PLEKHM2: variants seen among roughly 807,000 people sequenced by gnomAD.
PLEKHM2 encodes the protein pleckstrin homology and RUN domain containing M2.
A neutral mutation model predicts 116.3 loss-of-function variants in PLEKHM2; 77 were observed. The ratio of observed to expected loss-of-function variants is 0.66; its 90% CI spans 0.55 to 0.80. The LOEUF (loss-of-function observed/expected upper bound fraction) is 0.80. PLEKHM2 is among the 30% of genes least tolerant of loss of function. PLEKHM2 has a pLI of 0.00. For synonymous variants in PLEKHM2, 562 were observed against 571.0 expected, an observed-to-expected ratio of 0.98 and a Z score of 0.22; for missense variants, 1,183 against 1,354.9, an observed-to-expected ratio of 0.87 and a Z score of 1.99.
At chr1:15,695,115 T>C (rs532091397) in intron 1 of PLEKHM2, among the ~76,000 whole-genome samples, 54 of 152,306 alleles carry the variant, frequency 3.5e-4, no homozygotes, top group Non-Finnish European at 6.9e-4. Context: ...TCTACAAACA[T>C]TGCACAAATA....
chr1:15,694,685 C>T (rs1284201837), intron 1 of PLEKHM2, among the ~76,000 whole-genome samples: 1 of 152,082 alleles, frequency 6.6e-6, no homozygotes, highest in East Asian at 1.9e-4. Context: ...GAGAGCTTCT[C>T]CTAACCTCTT....
intron 19 of PLEKHM2, among the ~76,000 whole-genome samples, chr1:15,733,514 C>G (rs1313602055): frequency 2.0e-5 from 3 of 152,258 alleles, no homozygotes; most frequent in Non-Finnish European, 4.4e-5. Flanking sequence ...ACAGACACCT[C>G]CCTGCAGAGC....
chr1:15,732,823 C>A, intron 19 of PLEKHM2, 95 bp downstream of exon 19: 2 of 849,346 alleles, frequency 2.4e-6, no homozygotes, highest in Non-Finnish European at 3.7e-6. Context: ...CAGGACTTGG[C>A]CCTGCCTCCA....
intron 1 of PLEKHM2, among the ~76,000 whole-genome samples, chr1:15,685,240 G>A: frequency 6.6e-6 from 1 of 152,220 alleles, no homozygotes; most frequent in East Asian, 1.9e-4. Context: ...ACACCTTGCT[G>A]TGGGGCTTGC....
rs1571076674 is a variant in PLEKHM2, at chr1:15,732,590, C to T, written c.2806-22C>T. 2.5e-6 allele frequency: 4 copies of T among 1,597,760 alleles called. No individual in the cohort carries two copies. The Admixed American group carries it at 7.0e-5, about 28-fold the overall frequency. ...CAGAAGGAAAGCTCTGGCTGCTCAC[C>T]CGGGGGCCTGGCTCTCCCTAGGAGT... On this transcript the variant is annotated intron_variant, in intron 18 of 19. Coordinates refer to ENST00000375799, the MANE Select transcript of PLEKHM2 (RefSeq NM_015164.4).
Position 15,732,724 on chromosome 1 carries a change from A to G in PLEKHM2, c.2918A>G (p.Tyr973Cys). The G allele has an allele frequency of 1.3e-6, 2 of 1,598,746 alleles. No homozygotes were observed. Among genetic ancestry groups the G allele is most frequent in the Non-Finnish European group, 8.5e-7 (1 of 1,170,500 alleles). Residue 973 changes from tyrosine (Y) to cysteine (C), a missense_variant, in exon 19 of 20, where the codon TAT (tyrosine) becomes TGT (cysteine). Tyr to Cys is a radical substitution (Grantham distance 194). This residue lies in a region of PLEKHM2 where 594 missense variants were observed against 720.1 expected (regional missense o/e 0.82). Transcript: ENST00000375799. ...SALNSGWKTI[Y>C]QVDLPHTAIQ... ...CTGAACTCTGGGTGGAAAACCATCT[A>G]TCAGGTACCCAGCTGCCCAGGAAAC...
chr1:15,710,397 G>A (rs904519156), intron 1 of PLEKHM2, among the ~76,000 whole-genome samples: 4 of 151,190 alleles, frequency 2.6e-5, no homozygotes, highest in Non-Finnish European at 5.9e-5. Context: ...GCATGATCTC[G>A]GCTCACTGCA....
At chr1:15,717,470 C>T (rs1038077371) in intron 3 of PLEKHM2, among the ~76,000 whole-genome samples, 7 of 152,200 alleles carry the variant, frequency 4.6e-5, no homozygotes, top group Non-Finnish European at 8.8e-5. Flanking sequence ...CTCCATGAGG[C>T]CTCTTTTCTC....
In PLEKHM2 at chr1:15,714,087, G is replaced by A. The variant is rs142065151; in HGVS notation, c.61-2150G>A. On this transcript the variant is annotated intron_variant, in intron 1 of 19. Transcript: ENST00000375799. ...CTCCTGAGTAGCTGGGATTACAGGT[G>A]CCTGTCACCGCACCCAGCTAGTTGT... Among the ~76,000 whole-genome samples, 1,166 of 151,840 alleles carry A rather than the reference G, an allele frequency of 7.7e-3. 80 individuals are homozygous for A. In the East Asian group the frequency reaches 0.16, roughly 20 times the overall value.
chr1:15,716,755 T>C lies in PLEKHM2; in HGVS notation c.216T>C (p.Thr72=). 1 of 1,579,788 alleles carries C rather than the reference T, an allele frequency of 6.3e-7. No homozygotes were observed. Residue 72 remains threonine, a synonymous_variant, in exon 3 of 20, where the codon ACT becomes ACC. Transcript: ENST00000375799. The stretch of plus-strand genomic sequence containing the variant: ...ACTGGGTGCTCGTGGTGCATTTTAC[T>C]CGGAGAGAGGCCATCAAGCAGATCG... The part of the protein sequence containing the change: ...SGYWVLVVHF[T]RREAIKQIEV...
intron 1 of PLEKHM2, among the ~76,000 whole-genome samples, chr1:15,695,186 C>T (rs897204552): frequency 6.6e-6 from 1 of 152,184 alleles, no homozygotes; most frequent in Non-Finnish European, 1.5e-5. Flanking sequence ...CTGTATTTAA[C>T]AGTTGGAACT....
chr1:15,724,250 C>T (rs879394662), intron 7 of PLEKHM2, among the ~76,000 whole-genome samples: 12 of 152,192 alleles, frequency 7.9e-5, no homozygotes, highest in East Asian at 1.9e-4. Context: ...TTTGGGAGGC[C>T]GAGGCGGGCA....
intron 1 of PLEKHM2, among the ~76,000 whole-genome samples, chr1:15,702,917 AG>A (rs1321693907): frequency 7.3e-5 from 11 of 151,500 alleles, no homozygotes; most frequent in Non-Finnish European, 1.6e-4. Context: ...TGCTAGAAAC[AG>A]GGTCTTGCTA....
intron 1 of PLEKHM2, among the ~76,000 whole-genome samples, chr1:15,695,091 CT>C (rs1640967225): frequency 6.6e-6 from 1 of 152,162 alleles, no homozygotes; most frequent in Admixed American, 6.5e-5. Flanking sequence ...TCTTTTCCTC[CT>C]TTGCCATAAG....
rs190202031 is a variant in PLEKHM2, at chr1:15,692,719, A to G, written c.60+8101A>G. On this transcript the variant is annotated intron_variant, in intron 1 of 19. Coordinates refer to ENST00000375799, the MANE Select transcript of PLEKHM2 (RefSeq NM_015164.4). ...TCCCAAAGTGTGGGGTTACAGGTGC[A>G]AGCCACTGTGTCCATGCCCCATTCA... 6.7e-5 allele frequency among the ~76,000 whole-genome samples: 10 copies of G among 150,050 alleles called. No individual in the cohort carries two copies. In the East Asian group the frequency reaches 2.0e-3, roughly 30 times the overall value.
At chr1:15,694,361 C>CA (rs1323951222) in intron 1 of PLEKHM2, among the ~76,000 whole-genome samples, 2 of 151,510 alleles carry the variant, frequency 1.3e-5, no homozygotes, top group Non-Finnish European at 2.9e-5. Flanking sequence ...AAAAAAAACA[C>CA]AAAAAACAAA....
intron 18 of PLEKHM2, 26 bp downstream of exon 18, chr1:15,732,555 G>A: frequency 6.2e-7 from 1 of 1,605,024 alleles, no homozygotes; most frequent in South Asian, 1.1e-5. Context: ...GGGCGGGGCT[G>A]CAAGGCCTGC....
chr1:15,694,960 A>G (rs1203961162), intron 1 of PLEKHM2, among the ~76,000 whole-genome samples: 1 of 151,934 alleles, frequency 6.6e-6, no homozygotes. Context: ...GTTTCATCAT[A>G]TTGGCCAGGC....
intron 6 of PLEKHM2, chr1:15,720,429 C>A: frequency 1.0e-6 from 1 of 985,216 alleles, no homozygotes; most frequent in Non-Finnish European, 1.2e-6. Context: ...CTTCTGCGCT[C>A]GCTGATGTGT....
Sources: allele counts gnomAD v4.1 joint callset (sites outside exome capture counted in the v4.1 genomes callset), GRCh38; gene constraint gnomAD v4.1.1; regional missense constraint gnomAD v4.1.1; transcripts MANE v1.5; gene names NCBI Gene and HGNC (gene_info 2026-07-23, HGNC 2026-07-21).